NOVA1: variants seen among roughly 807,000 people sequenced by gnomAD.
NOVA1 encodes the protein RNA-binding protein Nova-1.
In NOVA1, 7 loss-of-function variants were observed where a neutral mutation model predicts 38.0. The observed-to-expected ratio is 0.18, with a 90% CI of 0.10 to 0.35. NOVA1 has a LOEUF of 0.35. NOVA1 is among the 10% of genes least tolerant of loss of function. The pLI, the probability that NOVA1 is intolerant of heterozygous loss-of-function variation, is 1.00. For synonymous variants in NOVA1, 270 were observed against 232.5 expected, an observed-to-expected ratio of 1.16 and a Z score of -1.47; for missense variants, 460 against 616.0, an observed-to-expected ratio of 0.75 and a Z score of 2.68.
At chr14:26,564,725 A>C (rs1262892133) in intron 2 of NOVA1, among the ~76,000 whole-genome samples, 1 of 152,140 alleles carries the variant, frequency 6.6e-6, no homozygotes, top group Non-Finnish European at 1.5e-5. Flanking sequence ...TCACTTCAAA[A>C]CCTTTGAAAT....
At chr14:26,585,162 CAAGAA>C (rs1893443095) in intron 2 of NOVA1, among the ~76,000 whole-genome samples, 1 of 151,198 alleles carries the variant, frequency 6.6e-6, no homozygotes, top group East Asian at 1.9e-4. Context: ...TGTATTAATA[CAAGAA>C]AAACACTCTT....
intron 2 of NOVA1, among the ~76,000 whole-genome samples, chr14:26,503,606 T>C (rs993401526): frequency 6.6e-6 from 1 of 152,032 alleles, no homozygotes; most frequent in Non-Finnish European, 1.5e-5. Flanking sequence ...CAAACGTTTT[T>C]TGACCCAGTA....
chr14:26,489,231 T>C (rs921706533), intron 2 of NOVA1, among the ~76,000 whole-genome samples: 7 of 152,122 alleles, frequency 4.6e-5, no homozygotes, highest in African/African-American at 1.4e-4. Context: ...TTTAAAAATA[T>C]AGAGTTTATA....
intron 2 of NOVA1, among the ~76,000 whole-genome samples, chr14:26,495,710 T>C (rs534620996): frequency 4.1e-5 from 6 of 147,804 alleles, no homozygotes; most frequent in African/African-American, 9.9e-5. Context: ...TGTATTCTCA[T>C]TGTTCAACTC....
At chr14:26,461,766 T>TAAA (rs67979659) in intron 4 of NOVA1, among the ~76,000 whole-genome samples, 13 of 125,894 alleles carry the variant, frequency 1.0e-4, no homozygotes, top group Admixed American at 2.5e-4. Flanking sequence ...CCATCTTTAC[T>TAAA]AAAAAAAAAA....
intron 2 of NOVA1, among the ~76,000 whole-genome samples, chr14:26,523,811 C>A (rs1207605403): frequency 7.1e-6 from 1 of 140,054 alleles, no homozygotes; most frequent in Non-Finnish European, 1.5e-5. Flanking sequence ...TGTGCAGTGG[C>A]ACAATCTCAG....
intron 3 of NOVA1, among the ~76,000 whole-genome samples, chr14:26,476,160 C>A (rs178214): frequency 6.6e-6 from 1 of 151,944 alleles, no homozygotes; most frequent in East Asian, 1.9e-4. Flanking sequence ...TTTTTAATTT[C>A]TGACAAATAT....
chr14:26,543,957 A>G (rs892923330), intron 2 of NOVA1, among the ~76,000 whole-genome samples: 1 of 151,978 alleles, frequency 6.6e-6, no homozygotes, highest in African/African-American at 2.4e-5. Flanking sequence ...AGAAGGAAGT[A>G]GCACCGTGAT....
At chr14:26,524,547 A>G (rs552038617) in intron 2 of NOVA1, among the ~76,000 whole-genome samples, 2 of 152,316 alleles carry the variant, frequency 1.3e-5, no homozygotes, top group African/African-American at 4.8e-5. Flanking sequence ...ATAGGGAGAT[A>G]CAGAGGGCTT....
chr14:26,514,264 C>T (rs947140702), intron 2 of NOVA1, among the ~76,000 whole-genome samples: 2 of 151,578 alleles, frequency 1.3e-5, no homozygotes, highest in African/African-American at 2.4e-5. Context: ...TTTAAAAAAG[C>T]TTCAGACAAA....
At chr14:26,474,723 TAAAC>T (rs1884842575) in intron 3 of NOVA1, among the ~76,000 whole-genome samples, 1 of 151,942 alleles carries the variant, frequency 6.6e-6, no homozygotes, top group African/African-American at 2.4e-5. Context: ...ATATATTTAA[TAAAC>T]AAGTAAAAAT....
At chr14:26,509,037 A>C (rs1810629619) in intron 2 of NOVA1, among the ~76,000 whole-genome samples, 1 of 152,072 alleles carries the variant, frequency 6.6e-6, no homozygotes, top group South Asian at 2.1e-4. Context: ...TGGCTTGCTA[A>C]CTGCAGTAGT....
intron 2 of NOVA1, among the ~76,000 whole-genome samples, chr14:26,486,082 T>C (rs1374252807): frequency 2.0e-5 from 3 of 152,206 alleles, no homozygotes; most frequent in Non-Finnish European, 4.4e-5. Flanking sequence ...TTTGGATAGC[T>C]AATATTGTGA....
intron 2 of NOVA1, chr14:26,593,607 C>T (rs950238528): frequency 2.6e-5 from 4 of 151,888 alleles, no homozygotes; most frequent in Non-Finnish European, 4.4e-5. Context: ...TTATTCAACG[C>T]ATTCCAGCTT....
In NOVA1 at chr14:26,473,050, C is replaced by A. The variant is rs564360851; in HGVS notation, c.448-659G>T. On this transcript the variant is annotated intron_variant, in intron 3 of 4. Coordinates refer to ENST00000539517, the MANE Select transcript of NOVA1 (RefSeq NM_002515.3). ...AAACAGGTAACTAATAGCATTCTAA[C>A]AAATCATCATAATATTTTTATTATT... is the stretch of plus-strand genomic sequence containing the variant. 2.0e-5 allele frequency among the ~76,000 whole-genome samples: 3 copies of A among 151,866 alleles called. No homozygotes were observed. In the East Asian group the frequency reaches 5.8e-4, roughly 29 times the overall value.
At chr14:26,571,384 CTTAAA>C (rs1892461937) in intron 2 of NOVA1, among the ~76,000 whole-genome samples, 1 of 152,074 alleles carries the variant, frequency 6.6e-6, no homozygotes, top group South Asian at 2.1e-4. Flanking sequence ...TTCACTCTGG[CTTAAA>C]TTAATACTTA....
chr14:26,505,463 C>A (rs925328393), intron 2 of NOVA1, among the ~76,000 whole-genome samples: 2 of 152,068 alleles, frequency 1.3e-5, no homozygotes, highest in Admixed American at 1.3e-4. Flanking sequence ...TAGCCTCCCA[C>A]CATGACTGTA....
intron 2 of NOVA1, among the ~76,000 whole-genome samples, chr14:26,576,075 G>C (rs549619258): frequency 2.0e-5 from 3 of 151,244 alleles, no homozygotes; most frequent in African/African-American, 7.3e-5. Flanking sequence ...ATTTCCTTAA[G>C]GTATAATCCT....
intron 2 of NOVA1, among the ~76,000 whole-genome samples, chr14:26,564,685 A>G (rs1160944110): frequency 6.6e-6 from 1 of 152,088 alleles, no homozygotes; most frequent in Non-Finnish European, 1.5e-5. Flanking sequence ...TTTGCAAGAG[A>G]CAAGACAGAA....
Sources: allele counts gnomAD v4.1 joint callset (sites outside exome capture counted in the v4.1 genomes callset), GRCh38; gene constraint gnomAD v4.1.1; transcripts MANE v1.5; gene names NCBI Gene and HGNC (gene_info 2026-07-23, HGNC 2026-07-21).